Variants in MROH7 observed in about 807,000 individuals in gnomAD.
MROH7 encodes the protein maestro heat-like repeat-containing protein family member 7.
Under a neutral mutation model 129.2 loss-of-function variants are expected in MROH7, and 113 were observed. The observed-to-expected ratio is 0.87, with a 90% CI of 0.75 to 1.02. MROH7 has a LOEUF of 1.02. MROH7 is among the 50% of genes least tolerant of loss of function. MROH7 has a pLI of 0.00. For synonymous variants in MROH7, 655 were observed against 667.9 expected (o/e 0.98, Z 0.30); for missense variants, 1,601 against 1,671.3 (o/e 0.96, Z 0.73).
intron 3 of MROH7, among the ~76,000 whole-genome samples, chr1:54,654,724 G>A: frequency 6.6e-6 from 1 of 152,064 alleles, no homozygotes; most frequent in East Asian, 1.9e-4. Flanking sequence ...TCCAAATTAT[G>A]TCTATTGTAT....
intron 16 of MROH7, among the ~76,000 whole-genome samples, chr1:54,692,852 G>T (rs1241083805): frequency 6.6e-6 from 1 of 152,174 alleles, no homozygotes; most frequent in Non-Finnish European, 1.5e-5. Flanking sequence ...AAACAGAAAT[G>T]GTGGTATAAC....
intron 10 of MROH7, among the ~76,000 whole-genome samples, chr1:54,675,717 C>T (rs1263275963): frequency 3.3e-5 from 5 of 151,902 alleles, no homozygotes; most frequent in African/African-American, 1.2e-4. Context: ...CCCACCTCAG[C>T]CTCCTGAGTA....
At chr1:54,704,556 G>A (rs775347271) in intron 21 of MROH7, among the ~76,000 whole-genome samples, 1 of 148,778 alleles carries the variant, frequency 6.7e-6, no homozygotes, top group Non-Finnish European at 1.5e-5. Flanking sequence ...CTCCTGCATC[G>A]GCCTCCCAAG....
At chr1:54,645,651 C>CTTTTTTTTTTTTT in intron 1 of MROH7, among the ~76,000 whole-genome samples, 1 of 110,224 alleles carries the variant, frequency 9.1e-6, no homozygotes, top group Non-Finnish European at 1.8e-5. Context: ...TTCTTTCTTT[C>CTTTTTTTTTTTTT]TTTCTTTTTT....
chr1:54,664,424 C>T (rs894410138), intron 3 of MROH7, among the ~76,000 whole-genome samples: 1 of 152,170 alleles, frequency 6.6e-6, no homozygotes, highest in African/African-American at 2.4e-5. Flanking sequence ...CAAGCCTAGG[C>T]CTGAAGGAGA....
At chr1:54,656,546 G>C (rs1644650960) in intron 3 of MROH7, among the ~76,000 whole-genome samples, 2 of 144,902 alleles carry the variant, frequency 1.4e-5, no homozygotes, top group East Asian at 4.2e-4. Context: ...TTTCAGGCTG[G>C]GCGCGGTGGC....
chr1:54,643,934 A>G (rs1402189199), intron 1 of MROH7, among the ~76,000 whole-genome samples: 2 of 152,148 alleles, frequency 1.3e-5, no homozygotes, highest in Non-Finnish European at 2.9e-5. Context: ...CTGTTATTCA[A>G]ATTGGTGTTC....
rs1644592049 is a variant in MROH7 at position 54,653,546 on chromosome 1, A to C, written c.620A>C (p.Asn207Thr). Residue 207 changes from asparagine to threonine, a missense_variant, in exon 3 of 24, where the codon AAC becomes ACC. Transcript: ENST00000421030. ...AAAGCACTCCTTATTCCAACCTCAA[A>C]CTCTTCTCTGGACCTTGACTCCAAT... ...SSKALLIPTS[N>T]SSLDLDSNPL... is the part of the protein sequence containing the mutation. 2 of 1,613,320 alleles carry C rather than the reference A, an allele frequency of 1.2e-6. No individual in the cohort carries two copies.
intron 1 of MROH7, among the ~76,000 whole-genome samples, chr1:54,643,586 G>A (rs1057484307): frequency 6.6e-6 from 1 of 152,092 alleles, no homozygotes; most frequent in African/African-American, 2.4e-5. Context: ...GGGGAGGTAA[G>A]GGAAAGCTTC....
At position 54,710,214 on chromosome 1, in the gene MROH7, G is replaced by A; in HGVS notation, c.*27G>A. Reference sequence around the variant, plus strand: ...GTCCCTGAGCCCCAAACCCTCCTCAGGGTGGTTGAGTTCCAGCCATGCTCC... The same window carrying A: ...GTCCCTGAGCCCCAAACCCTCCTCAAGGTGGTTGAGTTCCAGCCATGCTCC... On this transcript the variant is annotated 3_prime_UTR_variant, in exon 24 of 24. Coordinates refer to ENST00000421030, the MANE Select transcript of MROH7 (RefSeq NM_001039464.4). 1 of 1,602,112 alleles carries A rather than the reference G, an allele frequency of 6.2e-7. No individual in the cohort carries two copies.
intron 3 of MROH7, chr1:54,663,966 C>T (rs1027312471): frequency 6.0e-6 from 2 of 331,778 alleles, no homozygotes; most frequent in African/African-American, 2.2e-5. Context: ...TCATAGGCCC[C>T]AGTGACCTTG....
At chr1:54,688,465 G>C (rs941270734) in intron 15 of MROH7, among the ~76,000 whole-genome samples, 36 of 152,136 alleles carry the variant, frequency 2.4e-4, no homozygotes, top group African/African-American at 8.7e-4. Context: ...TCTGTGTTAT[G>C]CACAGAAAGG....
chr1:54,670,837 G>C lies in MROH7; in HGVS notation c.1507G>C (p.Glu503Gln). Residue 503 changes from glutamate (E) to glutamine (Q), a missense_variant, in exon 7 of 24, where the codon GAG becomes CAG. Coordinates refer to ENST00000421030, the MANE Select transcript of MROH7 (RefSeq NM_001039464.4). ...QPTLGMRERSELVNVCVHSVF... is the reference protein window; with the variant it reads ...QPTLGMRERSQLVNVCVHSVF... ...CACCCTGGGCATGCGGGAGAGGTCG[G>C]AGCTGGTGAACGTGTGTGTGCACAG... is the stretch of plus-strand genomic sequence containing the variant. 1 of 1,614,062 alleles carries C rather than the reference G, an allele frequency of 6.2e-7. No individual in the cohort carries two copies. Among genetic ancestry groups the C allele is most frequent in the Non-Finnish European group, 8.5e-7 (1 of 1,180,006 alleles).
chr1:54,679,497 T>C, intron 12 of MROH7, 58 bp downstream of exon 12: 3 of 1,556,108 alleles, frequency 1.9e-6, no homozygotes, highest in Non-Finnish European at 1.8e-6. Context: ...GCTCCCCCCA[T>C]GGCCTGCTCA....
chr1:54,652,915 T>C lies in MROH7; in HGVS notation c.-12T>C. ...AAGCGGGCACTGGCATTGAGAGACCTCCAGACTGGACATGGCCCTGAGTCC... is the reference window on the plus strand; with the variant it reads ...AAGCGGGCACTGGCATTGAGAGACCCCCAGACTGGACATGGCCCTGAGTCC... On this transcript the variant is annotated 5_prime_UTR_variant, in exon 3 of 24. Transcript: ENST00000421030. 1 of 1,558,870 alleles carries C rather than the reference T, an allele frequency of 6.4e-7. No homozygotes were observed. Among genetic ancestry groups the C allele is most frequent in the South Asian group, 1.2e-5 (1 of 81,212 alleles).
At chr1:54,709,886 A>C in intron 23 of MROH7, 60 bp from the exon 24 acceptor site, 2 of 1,575,634 alleles carry the variant, frequency 1.3e-6, no homozygotes, top group Non-Finnish European at 8.7e-7. Context: ...AGGATTAGGT[A>C]TGAGACCCAC....
intron 17 of MROH7, 111 bp from the exon 18 acceptor site, chr1:54,700,210 G>A: frequency 7.0e-7 from 1 of 1,435,958 alleles, no homozygotes; most frequent in Non-Finnish European, 9.7e-7. Context: ...CAAGTCTGAA[G>A]CTCCGGGCAG....
intron 3 of MROH7, among the ~76,000 whole-genome samples, chr1:54,655,452 C>T (rs1188672066): frequency 6.6e-6 from 1 of 151,968 alleles, no homozygotes. Flanking sequence ...CTCCTTGCAA[C>T]TTTGAATTCC....
intron 3 of MROH7, among the ~76,000 whole-genome samples, chr1:54,662,680 G>A (rs540105443): frequency 2.6e-5 from 4 of 152,048 alleles, no homozygotes; most frequent in Admixed American, 2.6e-4. Context: ...TATCACAATC[G>A]AGTAATTAAT....
Sources: gnomAD v4.1 joint callset for allele counts (sites outside exome capture counted in the v4.1 genomes callset) on GRCh38, gnomAD v4.1.1 for gene constraint, MANE v1.5 for transcripts, NCBI Gene and HGNC (gene_info 2026-07-23, HGNC 2026-07-21) for gene names.